Variants in RFX6 observed in about 807,000 individuals in gnomAD.
The protein encoded by RFX6 is regulatory factor X6.
RFX6 carries 50 observed loss-of-function variants against 110.8 expected under a neutral mutation model. The observed-to-expected ratio is 0.45, with a 90% CI of 0.36 to 0.57. The LOEUF (loss-of-function observed/expected upper bound fraction) is 0.57, where lower values mean the gene tolerates loss of function less well. Among genes scored for constraint, RFX6 ranks in the 20% least tolerant of loss-of-function variants. The probability of loss-of-function intolerance (pLI) is 0.00; values close to 1 mark genes in which losing one functional copy is unlikely to be tolerated. For synonymous variants in RFX6, 383 were observed against 411.2 expected (o/e 0.93, Z 0.83); for missense variants, 990 against 1,127.0 (o/e 0.88, Z 1.74).
intron 17 of RFX6, among the ~76,000 whole-genome samples, chr6:116,928,163 C>T (rs1160925398): frequency 1.3e-5 from 2 of 151,266 alleles, no homozygotes; most frequent in African/African-American, 2.4e-5. Flanking sequence ...CTTTTGAAAA[C>T]ATTTTTAGTG....
intron 7 of RFX6, among the ~76,000 whole-genome samples, chr6:116,915,682 T>A (rs1035459897): frequency 3.3e-5 from 5 of 152,026 alleles, no homozygotes; most frequent in East Asian, 1.9e-4. Flanking sequence ...AAATTAATTT[T>A]AAAAAATTTA....
At chr6:116,890,283 A>AAAATTTG (rs1774793918) in intron 4 of RFX6, among the ~76,000 whole-genome samples, 1 of 152,174 alleles carries the variant, frequency 6.6e-6, no homozygotes, top group Non-Finnish European at 1.5e-5. Flanking sequence ...GGCTGCTGTG[A>AAAATTTG]AAATTTGAGA....
At chr6:116,880,425 T>G (rs1158824896) in intron 2 of RFX6, 119 bp from the exon 3 acceptor site, 3 of 838,624 alleles carry the variant, frequency 3.6e-6, no homozygotes, top group African/African-American at 3.4e-5. Context: ...CGAAGTCTAC[T>G]TATGTCTACT....
rs756715670 is a variant in RFX6 at position 116,925,545 on chromosome 6, A to T, written c.1771A>T (p.Asn591Tyr). The T allele has an allele frequency of 1.2e-6, 2 of 1,614,138 alleles. No individual in the cohort carries two copies. The highest frequency in any genetic ancestry group is 2.2e-5 in the South Asian group (2 of 91,086). ...CATGGTTTCCAGCGACGCTGTGAAG[A>T]ATGAAAGCCACGTGGAGACAACCTA... ...GSMVSSDAVK[N>Y]ESHVETTYLP... is the part of the protein sequence containing the mutation. Residue 591 changes from asparagine to tyrosine, a missense_variant, in exon 16 of 19, where the codon AAT becomes TAT. Physicochemically the swap from Asn to Tyr is moderately radical, Grantham distance 143. Around this residue, in one of 5 missense-constraint regions of RFX6, gnomAD observed 438 missense variants for 441.9 expected, o/e 0.99. Transcript: ENST00000332958.
chr6:116,895,882 C>G (rs1774935284), intron 6 of RFX6, among the ~76,000 whole-genome samples: 1 of 152,182 alleles, frequency 6.6e-6, no homozygotes, highest in African/African-American at 2.4e-5. Context: ...AAATCTGGAC[C>G]TGAGGTAAAG....
chr6:116,886,132 T>C (rs919466218), intron 4 of RFX6, among the ~76,000 whole-genome samples: 4 of 152,172 alleles, frequency 2.6e-5, no homozygotes, highest in African/African-American at 9.6e-5. Context: ...AATACAGTAC[T>C]TTTAGCATAG....
intron 4 of RFX6, 84 bp downstream of exon 4, chr6:116,882,512 T>TG: frequency 5.2e-6 from 5 of 957,578 alleles, no homozygotes; most frequent in Non-Finnish European, 8.5e-6. Context: ...TCTTTGTCAG[T>TG]ACAAAGAGAA....
At chr6:116,912,978 T>C (rs1429338738) in intron 7 of RFX6, among the ~76,000 whole-genome samples, 1 of 152,194 alleles carries the variant, frequency 6.6e-6, no homozygotes, top group East Asian at 1.9e-4. Flanking sequence ...TCTGTCACCT[T>C]CCTTGCCATT....
intron 12 of RFX6, 74 bp from the exon 13 acceptor site, chr6:116,921,968 G>A (rs552279615): frequency 6.8e-6 from 5 of 735,718 alleles, no homozygotes; most frequent in South Asian, 4.6e-5. Flanking sequence ...CAAGTTTTAG[G>A]TTTTCTCTTG....
chr6:116,923,019 C>A, intron 13 of RFX6, 88 bp from the exon 14 acceptor site: 1 of 779,212 alleles, frequency 1.3e-6, no homozygotes, highest in Non-Finnish European at 2.4e-6. Context: ...ATTTGTTAGA[C>A]AGTCTATTTA....
chr6:116,919,502 TA>T (rs1184395951), intron 11 of RFX6, among the ~76,000 whole-genome samples: 7 of 152,206 alleles, frequency 4.6e-5, no homozygotes, highest in Non-Finnish European at 8.8e-5. Flanking sequence ...CTGTAGTTAA[TA>T]GTATTGTACC....
At chr6:116,923,533 C>T (rs1334965704) in intron 14 of RFX6, 2 of 355,208 alleles carry the variant, frequency 5.6e-6, no homozygotes, top group Non-Finnish European at 1.1e-5. Context: ...TTGCCTAGCA[C>T]TCAGGAAATG....
At chr6:116,891,214 A>G (rs976365119) in intron 4 of RFX6, among the ~76,000 whole-genome samples, 2 of 152,160 alleles carry the variant, frequency 1.3e-5, no homozygotes, top group Non-Finnish European at 2.9e-5. Context: ...CATTGTACTG[A>G]CAACTAGCAC....
At position 116,911,010 on chromosome 6, in the gene RFX6, C is replaced by A. The variant is rs143723757; in HGVS notation, c.748C>A (p.Leu250Ile). 3.1e-6 allele frequency: 5 copies of A among 1,612,592 alleles called. No individual in the cohort carries two copies. In the African/African-American group the frequency reaches 6.7e-5, roughly 22 times the overall value. Residue 250 changes from leucine to isoleucine, a missense_variant, in exon 7 of 19, where the codon CTT (leucine) becomes ATT (isoleucine). By Grantham distance (5) the Leu-to-Ile change is conservative. Around this residue, in one of 5 missense-constraint regions of RFX6, gnomAD observed 243 missense variants for 353.1 expected, o/e 0.69. Coordinates refer to ENST00000332958, the MANE Select transcript of RFX6 (RefSeq NM_173560.4). ...LLPEFPSAQH[L>I]VYQGCISKDK... ...TCCAGAATTCCCCAGCGCTCAACAC[C>A]TTGTATACCAAGGATGCATTTCTAA...
intron 7 of RFX6, 111 bp from the exon 8 acceptor site, chr6:116,915,897 A>T (rs1400395407): frequency 8.7e-6 from 7 of 808,488 alleles, no homozygotes; most frequent in Non-Finnish European, 1.3e-5. Context: ...AACATTGAGC[A>T]TACTGCTTGG....
intron 6 of RFX6, among the ~76,000 whole-genome samples, chr6:116,900,983 C>T (rs146241382): frequency 1.2e-4 from 18 of 152,054 alleles, no homozygotes; most frequent in African/African-American, 3.1e-4. Context: ...GAAAGGGATG[C>T]GCATTCAGTA....
At chr6:116,925,722 C>G in intron 16 of RFX6, 63 bp downstream of exon 16, 1 of 1,131,274 alleles carries the variant, frequency 8.8e-7, no homozygotes, top group Non-Finnish European at 1.3e-6. Context: ...CTTCATTTTT[C>G]TTAAAACTCA....
Position 116,916,185 on chromosome 6 carries a change from T to C in RFX6, c.859-16T>C, listed in dbSNP as rs1207610025. 3.1e-6 allele frequency: 5 copies of C among 1,599,890 alleles called. No individual in the cohort carries two copies. In the African/African-American group the frequency reaches 6.7e-5, roughly 21 times the overall value. On this transcript the variant is annotated splice_polypyrimidine_tract_variant and intron_variant, in intron 8 of 18. Coordinates refer to ENST00000332958, the MANE Select transcript of RFX6 (RefSeq NM_173560.4). ...TAAAGAAAAAAATCTTAACATACTT[T>C]TTACTCTGCAACTAGATCCAGCATT...
intron 6 of RFX6, among the ~76,000 whole-genome samples, chr6:116,905,948 T>C (rs1016838307): frequency 1.4e-5 from 1 of 72,746 alleles, no homozygotes; most frequent in African/African-American, 4.1e-5. Flanking sequence ...TCTAAACATG[T>C]TTCCTGTTTC....
Sources: allele counts gnomAD v4.1 joint callset (sites outside exome capture counted in the v4.1 genomes callset), GRCh38; gene constraint gnomAD v4.1.1; regional missense constraint gnomAD v4.1.1; transcripts MANE v1.5; gene names NCBI Gene and HGNC (gene_info 2026-07-23, HGNC 2026-07-21).